The following ANKS1B variants were observed in gnomAD, a reference collection of about 807,000 sequenced individuals.
ANKS1B encodes the protein ankyrin repeat and sterile alpha motif domain-containing protein 1B.
ANKS1B carries 36 observed loss-of-function variants against 148.3 expected under a neutral mutation model. The observed-to-expected ratio is 0.24, with a 90% CI of 0.19 to 0.32. The LOEUF (loss-of-function observed/expected upper bound fraction) is 0.32, where lower values mean the gene tolerates loss of function less well. Ranked by LOEUF, ANKS1B falls within the 10% of genes least tolerant of loss-of-function variation. ANKS1B has a pLI of 1.00. For missense variants in ANKS1B, 1,157 were observed against 1,542.6 expected (o/e 0.75, Z 4.19); for synonymous variants, 542 against 560.8 (o/e 0.97, Z 0.47).
intron 16 of ANKS1B, among the ~76,000 whole-genome samples, chr12:99,059,855 G>A (rs978556068): frequency 7.2e-6 from 1 of 138,846 alleles, no homozygotes; most frequent in African/African-American, 2.7e-5. Flanking sequence ...TTTCTTTCAT[G>A]TATCTTCAGC....
intron 11 of ANKS1B, among the ~76,000 whole-genome samples, chr12:99,409,996 T>C (rs553857852): frequency 1.3e-5 from 2 of 152,324 alleles, no homozygotes; most frequent in South Asian, 4.2e-4. Flanking sequence ...TCACCCTACT[T>C]TCCAGAGGAC....
chr12:98,958,441 G>A (rs1197887893), intron 17 of ANKS1B, among the ~76,000 whole-genome samples: 1 of 152,154 alleles, frequency 6.6e-6, no homozygotes, highest in Non-Finnish European at 1.5e-5. Flanking sequence ...TATCACTGTT[G>A]AAGCATTTTA....
intron 9 of ANKS1B, among the ~76,000 whole-genome samples, chr12:99,554,442 G>A (rs777286779): frequency 1.3e-5 from 2 of 152,132 alleles, no homozygotes; most frequent in Non-Finnish European, 2.9e-5. Context: ...CCACAAACTT[G>A]GGGGTAAAGG....
chr12:99,910,838 C>A (rs2093984041), intron 1 of ANKS1B, among the ~76,000 whole-genome samples: 1 of 152,148 alleles, frequency 6.6e-6, no homozygotes, highest in African/African-American at 2.4e-5. Flanking sequence ...AGTTTATCCA[C>A]TGAAATTTTA....
intron 1 of ANKS1B, among the ~76,000 whole-genome samples, chr12:99,933,083 A>T (rs1399291087): frequency 6.6e-6 from 1 of 151,740 alleles, no homozygotes; most frequent in Non-Finnish European, 1.5e-5. Context: ...AGGTGTGTGG[A>T]TTTGTTTCTG....
At chr12:99,843,284 T>C (rs905396900) in intron 1 of ANKS1B, among the ~76,000 whole-genome samples, 1 of 152,146 alleles carries the variant, frequency 6.6e-6, no homozygotes, top group African/African-American at 2.4e-5. Context: ...TTGTAATTCC[T>C]AATGTTCTGT....
intron 11 of ANKS1B, among the ~76,000 whole-genome samples, chr12:99,439,230 A>T (rs1180215647): frequency 6.6e-6 from 1 of 151,764 alleles, no homozygotes; most frequent in Non-Finnish European, 1.5e-5. Flanking sequence ...CTTCTAGAAA[A>T]AAGTGGGAGC....
chr12:99,169,320 C>G (rs1436161173), intron 14 of ANKS1B, among the ~76,000 whole-genome samples: 2 of 152,126 alleles, frequency 1.3e-5, no homozygotes, highest in African/African-American at 4.8e-5. Flanking sequence ...CTTGGTAAAA[C>G]TCTGATGAAA....
At chr12:99,709,985 A>T (rs1451704762) in intron 8 of ANKS1B, among the ~76,000 whole-genome samples, 1 of 152,262 alleles carries the variant, frequency 6.6e-6, no homozygotes, top group Non-Finnish European at 1.5e-5. Context: ...TCATCCTCAG[A>T]TGTAGCCTTA....
intron 12 of ANKS1B, among the ~76,000 whole-genome samples, chr12:99,383,108 T>C (rs10777975): frequency 0.37 from 56,510 of 152,070 alleles, 10,971 homozygotes; most frequent in East Asian, 0.5. Flanking sequence ...TCACTCATCC[T>C]GGTTGCCTCC....
At chr12:99,056,824 G>C (rs552097419) in intron 16 of ANKS1B, among the ~76,000 whole-genome samples, 1 of 152,136 alleles carries the variant, frequency 6.6e-6, no homozygotes, top group Non-Finnish European at 1.5e-5. Context: ...TTCAGGACTG[G>C]CTTCTCTTCT....
At chr12:99,318,830 A>T (rs148881494) in intron 12 of ANKS1B, among the ~76,000 whole-genome samples, 2,211 of 148,608 alleles carry the variant, frequency 0.015, 26 homozygotes, top group Non-Finnish European at 0.021. Context: ...TTCCCTCTAC[A>T]CATTGCTTTA....
At chr12:99,921,352 A>T (rs1678825047) in intron 1 of ANKS1B, among the ~76,000 whole-genome samples, 1 of 152,066 alleles carries the variant, frequency 6.6e-6, no homozygotes, top group Admixed American at 6.6e-5. Flanking sequence ...CCCTTCCATC[A>T]TGACTGTAAG....
intron 10 of ANKS1B, among the ~76,000 whole-genome samples, chr12:99,454,074 A>G (rs2152831043): frequency 6.6e-6 from 1 of 152,376 alleles, no homozygotes; most frequent in Admixed American, 6.5e-5. Context: ...AGCATGAACG[A>G]GCATTATGCC....
At chr12:99,239,024 C>T (rs1020904444) in intron 14 of ANKS1B, among the ~76,000 whole-genome samples, 4 of 152,160 alleles carry the variant, frequency 2.6e-5, no homozygotes, top group African/African-American at 9.7e-5. Context: ...CAAAGGATTG[C>T]AGCTCCTCGC....
intron 9 of ANKS1B, among the ~76,000 whole-genome samples, chr12:99,537,450 C>T (rs1443009585): frequency 6.6e-6 from 1 of 152,078 alleles, no homozygotes; most frequent in Non-Finnish European, 1.5e-5. Context: ...CTGAATTAAG[C>T]CATTTTAACT....
intron 1 of ANKS1B, among the ~76,000 whole-genome samples, chr12:99,861,167 G>A (rs1048129127): frequency 6.6e-6 from 1 of 152,158 alleles, no homozygotes; most frequent in Non-Finnish European, 1.5e-5. Context: ...GCTTGCCCAG[G>A]TCTCAGAGCA....
chr12:99,153,461 C>A (rs773386438), intron 15 of ANKS1B, among the ~76,000 whole-genome samples: 17 of 152,092 alleles, frequency 1.1e-4, no homozygotes, highest in Non-Finnish European at 2.1e-4. Context: ...TGTGACGTAG[C>A]TTAACAAGGG....
intron 9 of ANKS1B, among the ~76,000 whole-genome samples, chr12:99,512,421 A>G (rs1159256125): frequency 6.6e-6 from 1 of 151,166 alleles, no homozygotes; most frequent in South Asian, 2.1e-4. Context: ...CTTGTTGCAG[A>G]AAAAAAAAGG....
Sources: allele counts gnomAD v4.1 joint callset (sites outside exome capture counted in the v4.1 genomes callset), GRCh38; gene constraint gnomAD v4.1.1; transcripts MANE v1.5; gene names NCBI Gene and HGNC (gene_info 2026-07-23, HGNC 2026-07-21).